The following KIAA1328 variants were observed in gnomAD, a reference collection of about 807,000 sequenced individuals.
KIAA1328 encodes the protein KIAA1328.
In KIAA1328, 52 loss-of-function variants were observed where a neutral mutation model predicts 68.1. That is an observed-to-expected ratio of 0.76 (90% CI 0.61 to 0.96). The LOEUF is 0.96. Among genes scored for constraint, KIAA1328 ranks in the 40% least tolerant of loss-of-function variants. KIAA1328 has a pLI of 0.00. For synonymous variants in KIAA1328, 232 were observed against 239.4 expected (o/e 0.97, Z 0.28); for missense variants, 641 against 677.6 (o/e 0.95, Z 0.60).
At chr18:36,852,859 T>C (rs1160776109) in intron 4 of KIAA1328, among the ~76,000 whole-genome samples, 1 of 152,188 alleles carries the variant, frequency 6.6e-6, no homozygotes, top group Non-Finnish European at 1.5e-5. Context: ...TGCCACACTT[T>C]CTTATTCTTC....
chr18:36,964,716 T>C (rs1334596706), intron 6 of KIAA1328, among the ~76,000 whole-genome samples: 4 of 152,190 alleles, frequency 2.6e-5, no homozygotes, highest in African/African-American at 7.2e-5. Flanking sequence ...TCTTCACTTG[T>C]TCTATTTAGG....
chr18:37,017,526 C>T (rs1012449294), intron 6 of KIAA1328, among the ~76,000 whole-genome samples: 5 of 152,234 alleles, frequency 3.3e-5, no homozygotes, highest in African/African-American at 1.2e-4. Context: ...TGTTAGTTTT[C>T]TGCCTCAGTG....
intron 2 of KIAA1328, 70 bp from the exon 3 acceptor site, chr18:36,835,164 A>C (rs1337707474): frequency 1.5e-6 from 2 of 1,344,860 alleles, no homozygotes; most frequent in African/African-American, 2.9e-5. Context: ...ATTCCAAGGA[A>C]GGAGTTGATG....
chr18:37,028,512 C>CT (rs575689979), intron 6 of KIAA1328, among the ~76,000 whole-genome samples: 15,887 of 146,784 alleles, frequency 0.11, 1,068 homozygotes, highest in Non-Finnish European at 0.14. Context: ...GGTTAGATGC[C>CT]TTTTTTTTTT....
At chr18:36,882,979 C>A (rs1482088226) in intron 4 of KIAA1328, among the ~76,000 whole-genome samples, 2 of 152,068 alleles carry the variant, frequency 1.3e-5, no homozygotes, top group Admixed American at 1.3e-4. Context: ...TTTTTTAGAT[C>A]CCTTTTGGAA....
At chr18:37,004,813 C>G (rs1212407224) in intron 6 of KIAA1328, among the ~76,000 whole-genome samples, 1 of 152,082 alleles carries the variant, frequency 6.6e-6, no homozygotes, top group Non-Finnish European at 1.5e-5. Flanking sequence ...ACGTTTATAA[C>G]AGCACAATTC....
intron 6 of KIAA1328, among the ~76,000 whole-genome samples, chr18:37,012,856 C>CT (rs1325687954): frequency 1.3e-5 from 2 of 152,098 alleles, no homozygotes; most frequent in African/African-American, 4.8e-5. Flanking sequence ...CTATTTCTTT[C>CT]TTTTAATTTC....
intron 9 of KIAA1328, among the ~76,000 whole-genome samples, chr18:37,196,957 A>G (rs77943637): frequency 3.2e-4 from 48 of 152,124 alleles, no homozygotes; most frequent in Non-Finnish European, 5.9e-4. Flanking sequence ...TATGGCTTCA[A>G]TCTCATTAAT....
At chr18:37,084,327 A>G (rs1330320529) in intron 7 of KIAA1328, 13 of 552,860 alleles carry the variant, frequency 2.4e-5, no homozygotes, top group Non-Finnish European at 3.6e-5. Flanking sequence ...TGATTAATAC[A>G]GTTTTGTGAC....
intron 5 of KIAA1328, among the ~76,000 whole-genome samples, chr18:36,905,046 T>G (rs1325502670): frequency 6.6e-6 from 1 of 151,732 alleles, no homozygotes; most frequent in Non-Finnish European, 1.5e-5. Flanking sequence ...CCGTATTTTA[T>G]TTTTATTTTT....
chr18:36,920,700 C>T (rs1030864847), intron 5 of KIAA1328, among the ~76,000 whole-genome samples: 1 of 152,196 alleles, frequency 6.6e-6, no homozygotes, highest in Non-Finnish European at 1.5e-5. Context: ...TGTACTCTGG[C>T]TGATGACAGT....
chr18:36,907,277 A>G (rs933855408), intron 5 of KIAA1328, among the ~76,000 whole-genome samples: 1 of 151,716 alleles, frequency 6.6e-6, no homozygotes, highest in African/African-American at 2.4e-5. Context: ...TATGCTTTTT[A>G]TTTCTTTTTC....
At chr18:36,973,378 ACG>A (rs2052316505) in intron 6 of KIAA1328, among the ~76,000 whole-genome samples, 6 of 152,214 alleles carry the variant, frequency 3.9e-5, no homozygotes, top group African/African-American at 1.4e-4. Context: ...AATGTAAATG[ACG>A]AGTTAACGGG....
chr18:36,866,767 A>C (rs143933573), intron 4 of KIAA1328, among the ~76,000 whole-genome samples: 1 of 152,212 alleles, frequency 6.6e-6, no homozygotes, highest in Non-Finnish European at 1.5e-5. Context: ...ACATCTTTTC[A>C]GAAAATAATA....
chr18:37,002,841 T>C (rs2053640441), intron 6 of KIAA1328, among the ~76,000 whole-genome samples: 3 of 152,112 alleles, frequency 2.0e-5, no homozygotes, highest in African/African-American at 7.2e-5. Flanking sequence ...GAGACAATCC[T>C]ACAATTCATA....
intron 6 of KIAA1328, among the ~76,000 whole-genome samples, chr18:37,018,027 C>G (rs2054212724): frequency 6.6e-6 from 1 of 151,922 alleles, no homozygotes; most frequent in South Asian, 2.1e-4. Flanking sequence ...TTGCCTTGTA[C>G]TTTCTATTGT....
chr18:37,166,765 T>C (rs916839262), intron 8 of KIAA1328, among the ~76,000 whole-genome samples: 1 of 152,128 alleles, frequency 6.6e-6, no homozygotes, highest in Non-Finnish European at 1.5e-5. Flanking sequence ...AGGACATTCC[T>C]TGAAAACACT....
chr18:37,199,994 T>G (rs1157196179), intron 9 of KIAA1328, among the ~76,000 whole-genome samples: 1 of 152,234 alleles, frequency 6.6e-6, no homozygotes, highest in Non-Finnish European at 1.5e-5. Flanking sequence ...AGATAAGGTA[T>G]AAGTTGGATG....
intron 6 of KIAA1328, among the ~76,000 whole-genome samples, chr18:37,020,166 C>G (rs1028075230): frequency 1.3e-5 from 2 of 152,126 alleles, no homozygotes; most frequent in African/African-American, 4.8e-5. Flanking sequence ...CCCTGTTGCC[C>G]AGGCTGGAGT....
Sources: allele counts gnomAD v4.1 joint callset (sites outside exome capture counted in the v4.1 genomes callset), GRCh38; gene constraint gnomAD v4.1.1; transcripts MANE v1.5; gene names NCBI Gene and HGNC (gene_info 2026-07-23, HGNC 2026-07-21).